Variants in THRB observed in about 807,000 individuals in gnomAD.
The protein encoded by THRB is nuclear receptor subfamily 1 group A member 2.
THRB carries 12 observed loss-of-function variants against 47.8 expected under a neutral mutation model. The observed-to-expected ratio is 0.25, with a 90% CI of 0.16 to 0.41. The LOEUF is 0.41. THRB is among the 10% of genes least tolerant of loss of function. The pLI is 1.00. For missense variants in THRB, 348 were observed against 589.2 expected (o/e 0.59, Z 4.24); for synonymous variants, 218 against 212.2 (o/e 1.03, Z -0.24).
intron 1 of THRB, chr3:24,430,664 AT>A (rs2070296366): frequency 1.3e-5 from 2 of 152,066 alleles, no homozygotes; most frequent in Admixed American, 1.3e-4. Context: ...AAAGAAGAGA[AT>A]TTCTTAAGAA....
chr3:24,239,488 T>G (rs1559702841), intron 3 of THRB, among the ~76,000 whole-genome samples: 1 of 152,098 alleles, frequency 6.6e-6, no homozygotes, highest in Non-Finnish European at 1.5e-5. Flanking sequence ...TACATCATCA[T>G]TATTATTATT....
rs558184983 is a variant in THRB at position 24,229,842 on chromosome 3, G to C, written c.-42-841C>G. On this transcript the variant is annotated intron_variant, in intron 3 of 10. Transcript: ENST00000646209. The stretch of plus-strand genomic sequence containing the variant: ...AGATGGTGGTAGCATTTTGGCTTAG[G>C]AATAGCACTGAAGCCTGAGGCATGG... Among the ~76,000 whole-genome samples the C allele has an allele frequency of 1.2e-3, 181 of 152,306 alleles. 1 individual carries two copies. Among genetic ancestry groups the C allele is most frequent in the South Asian group, 9.1e-3 (44 of 4,826 alleles).
intron 1 of THRB, among the ~76,000 whole-genome samples, chr3:24,349,812 A>G (rs2063254194): frequency 6.6e-6 from 1 of 152,120 alleles, no homozygotes; most frequent in Non-Finnish European, 1.5e-5. Flanking sequence ...GGACACAAAC[A>G]GCATTAACAA....
chr3:24,327,105 A>G (rs1313833376), intron 2 of THRB, among the ~76,000 whole-genome samples: 1 of 152,166 alleles, frequency 6.6e-6, no homozygotes, highest in Non-Finnish European at 1.5e-5. Flanking sequence ...TATGGTTGCC[A>G]TTGAGAGTGT....
chr3:24,355,079 A>G (rs1195295895), intron 1 of THRB, among the ~76,000 whole-genome samples: 2 of 152,160 alleles, frequency 1.3e-5, no homozygotes, highest in Non-Finnish European at 2.9e-5. Flanking sequence ...AGAAAACCCA[A>G]CAGACAGCAC....
intron 3 of THRB, among the ~76,000 whole-genome samples, chr3:24,272,538 C>T (rs151332590): frequency 6.6e-6 from 1 of 152,196 alleles, no homozygotes; most frequent in African/African-American, 2.4e-5. Flanking sequence ...CACATGTTCC[C>T]CTCACTTAAA....
chr3:24,270,607 G>A (rs375549200), intron 3 of THRB, among the ~76,000 whole-genome samples: 3 of 152,320 alleles, frequency 2.0e-5, no homozygotes, highest in South Asian at 2.1e-4. Context: ...TGCAATTCTT[G>A]CAAGGGTCTT....
intron 2 of THRB, among the ~76,000 whole-genome samples, chr3:24,335,500 T>C (rs921617110): frequency 6.6e-6 from 1 of 152,208 alleles, no homozygotes; most frequent in Admixed American, 6.5e-5. Flanking sequence ...GCCGAATTTA[T>C]GTTTTCTTTA....
chr3:24,266,950 A>AGG (rs1177997202), intron 3 of THRB, among the ~76,000 whole-genome samples: 1 of 152,084 alleles, frequency 6.6e-6, no homozygotes, highest in East Asian at 1.9e-4. Flanking sequence ...AGAGAGAGAG[A>AGG]AAAAGAGAGA....
At chr3:24,159,496 A>G (rs1233406789) in intron 5 of THRB, among the ~76,000 whole-genome samples, 1 of 152,236 alleles carries the variant, frequency 6.6e-6, no homozygotes, top group East Asian at 1.9e-4. Flanking sequence ...ATGTAGGTTC[A>G]GGTGTACTCC....
intron 6 of THRB, among the ~76,000 whole-genome samples, chr3:24,148,679 G>A (rs1274766068): frequency 1.3e-5 from 2 of 152,124 alleles, no homozygotes; most frequent in African/African-American, 4.8e-5. Context: ...TTATGATCCC[G>A]GTTAATGTTC....
intron 1 of THRB, among the ~76,000 whole-genome samples, chr3:24,382,971 T>C (rs552377978): frequency 1.3e-5 from 2 of 152,266 alleles, no homozygotes; most frequent in Admixed American, 1.3e-4. Flanking sequence ...GCATACTTTC[T>C]TGCCTCTATC....
At chr3:24,192,705 G>GT (rs540689503) in intron 4 of THRB, among the ~76,000 whole-genome samples, 3 of 152,170 alleles carry the variant, frequency 2.0e-5, no homozygotes, top group South Asian at 2.1e-4. Flanking sequence ...GCAAGAAGGG[G>GT]TTTTTTTCTA....
At position 24,274,206 on chromosome 3, in the gene THRB, A is replaced by G. The variant is rs7647025; in HGVS notation, c.-43+23020T>C. Among the ~76,000 whole-genome samples, 819 of 152,314 alleles carry G rather than the reference A, an allele frequency of 5.4e-3. 12 individuals carry two copies. Among genetic ancestry groups the G allele is most frequent in the African/African-American group, 0.018 (738 of 41,574 alleles). Reference sequence around the variant, plus strand: ...GATCCACTTAAAAAACTGAACTATTATATCACTACCATAAATGGAAAGCCT... The same window carrying G: ...GATCCACTTAAAAAACTGAACTATTGTATCACTACCATAAATGGAAAGCCT... On this transcript the variant is annotated intron_variant, in intron 3 of 10. Coordinates refer to ENST00000646209, the MANE Select transcript of THRB (RefSeq NM_001354712.2).
chr3:24,431,162 A>G (rs2070354485), intron 1 of THRB: 1 of 152,006 alleles, frequency 6.6e-6, no homozygotes, highest in Admixed American at 6.6e-5. Flanking sequence ...ACATATGTTC[A>G]TTTAAAAAAA....
chr3:24,474,877 C>T lies in THRB; in HGVS notation c.-261+19775G>A, dbSNP rs1010716236. Among the ~76,000 whole-genome samples, 28 of 152,166 alleles carry T rather than the reference C, an allele frequency of 1.8e-4. 1 individual carries two copies. Among genetic ancestry groups the T allele is most frequent in the African/African-American group, 6.5e-4 (27 of 41,436 alleles). On this transcript the variant is annotated intron_variant, in intron 1 of 10. Transcript: ENST00000646209. Reference sequence around the variant, plus strand: ...GGTGACTGCTGCAATACTTGCTTTTCTTACTAATTGAAAAGTATATATGAA... The same window carrying T: ...GGTGACTGCTGCAATACTTGCTTTTTTTACTAATTGAAAAGTATATATGAA...
chr3:24,451,581 A>G (rs2072660440), intron 1 of THRB, among the ~76,000 whole-genome samples: 2 of 152,158 alleles, frequency 1.3e-5, no homozygotes, highest in African/African-American at 2.4e-5. Context: ...ATCAGAAGGA[A>G]GCATTCCTGG....
At chr3:24,163,153 AC>A in intron 5 of THRB, among the ~76,000 whole-genome samples, 1 of 152,156 alleles carries the variant, frequency 6.6e-6, no homozygotes, top group Admixed American at 6.5e-5. Context: ...GTTGGGTACA[AC>A]CTTTTGTCCT....
chr3:24,138,233 G>C (rs945187159), intron 8 of THRB, among the ~76,000 whole-genome samples: 3 of 152,170 alleles, frequency 2.0e-5, no homozygotes, highest in East Asian at 3.8e-4. Flanking sequence ...AGTGGGGCCA[G>C]ATGGGACTCT....
Sources: gnomAD v4.1 joint callset for allele counts (sites outside exome capture counted in the v4.1 genomes callset) on GRCh38, gnomAD v4.1.1 for gene constraint, MANE v1.5 for transcripts, NCBI Gene and HGNC (gene_info 2026-07-23, HGNC 2026-07-21) for gene names.